SHPRH: variants seen among roughly 807,000 people sequenced by gnomAD.
SHPRH encodes SNF2 histone linker PHD RING helicase.
Under a neutral mutation model 202.5 loss-of-function variants are expected in SHPRH, and 106 were observed. The observed-to-expected ratio is 0.52, with a 90% CI of 0.45 to 0.62. SHPRH has a LOEUF of 0.62. SHPRH is among the 20% of genes least tolerant of loss of function. SHPRH has a pLI of 0.00. For synonymous variants in SHPRH, 729 were observed against 686.0 expected (o/e 1.06, Z -0.98); for missense variants, 1,710 against 2,020.0 (o/e 0.85, Z 2.94).
chr6:145,959,451 G>A (rs528908395), intron 1 of SHPRH, among the ~76,000 whole-genome samples: 1 of 152,306 alleles, frequency 6.6e-6, no homozygotes, highest in African/African-American at 2.4e-5. Context: ...GCAGCAGGCT[G>A]TACCATAGAG....
intron 25 of SHPRH, among the ~76,000 whole-genome samples, chr6:145,895,438 T>C (rs550632354): frequency 6.6e-6 from 1 of 152,126 alleles, no homozygotes; most frequent in South Asian, 2.1e-4. Flanking sequence ...TGGAGAATGT[T>C]TTCTTGCAAG....
chr6:145,860,045 T>C (rs1310889237), downstream of SHPRH, among the ~76,000 whole-genome samples: 3 of 152,062 alleles, frequency 2.0e-5, no homozygotes, highest in East Asian at 5.8e-4. Context: ...TTATAGTTAA[T>C]GAATTAAAAG....
At chr6:145,951,699 T>TA (rs1787995446) in intron 3 of SHPRH, 1 of 438,162 alleles carries the variant, frequency 2.3e-6, no homozygotes, top group Non-Finnish European at 4.6e-6. Context: ...AAGAATGTAC[T>TA]AGAGAAATAA....
Position 145,933,083 on chromosome 6 carries a change from C to T in SHPRH, c.3086G>A (p.Gly1029Asp). 1 of 1,613,698 alleles carries T rather than the reference C, an allele frequency of 6.2e-7. No individual in the cohort carries two copies. Among genetic ancestry groups the T allele is most frequent in the Non-Finnish European group, 8.5e-7 (1 of 1,179,796 alleles). Residue 1029 changes from glycine to aspartate, a missense_variant, in exon 14 of 30, where the codon GGC becomes GAC. Transcript: ENST00000275233. ...AHRQLVCALN[G>D]LAGIHIIKGE... is the part of the protein sequence containing the mutation. ...TTTAATAATATGAATGCCTGCTAAG[C>T]CATTGAGAGCACAAACTAGCTGTCG... is the stretch of plus-strand genomic sequence containing the variant.
At chr6:145,931,675 A>G (rs1435958927) in intron 14 of SHPRH, among the ~76,000 whole-genome samples, 1 of 151,916 alleles carries the variant, frequency 6.6e-6, no homozygotes, top group Non-Finnish European at 1.5e-5. Context: ...CTTTTGGATT[A>G]TTACCTCTAA....
chr6:145,895,070 A>G, intron 25 of SHPRH, 93 bp from the exon 26 acceptor site: 1 of 1,051,916 alleles, frequency 9.5e-7, no homozygotes, highest in Non-Finnish European at 1.4e-6. Flanking sequence ...TATTATCAAA[A>G]CTATAAATGC....
chr6:145,948,391 C>T (rs1325947622), intron 4 of SHPRH, 41 bp from the exon 5 acceptor site: 1 of 1,484,518 alleles, frequency 6.7e-7, no homozygotes, highest in South Asian at 1.2e-5. Flanking sequence ...TTTTGTTTTC[C>T]CTTCAGTCAG....
intron 2 of SHPRH, 64 bp from the exon 3 acceptor site, chr6:145,952,542 TAAGC>T: frequency 1.4e-6 from 2 of 1,468,390 alleles, no homozygotes; most frequent in Non-Finnish European, 1.8e-6. Context: ...TATGAGGACA[TAAGC>T]AAGAAAAAAT....
intron 2 of SHPRH, among the ~76,000 whole-genome samples, chr6:145,867,076 A>T (rs1224798847): frequency 6.6e-6 from 1 of 152,210 alleles, no homozygotes; most frequent in Non-Finnish European, 1.5e-5. Flanking sequence ...AAACTTTTAA[A>T]TGGGAAGTTA....
intron 28 of SHPRH, among the ~76,000 whole-genome samples, chr6:145,891,094 A>C (rs2128713133): frequency 6.6e-6 from 1 of 152,222 alleles, no homozygotes; most frequent in Non-Finnish European, 1.5e-5. Context: ...AGATATGCCA[A>C]GCCTCTGTTC....
chr6:145,863,939 G>T (rs1194493189), downstream of SHPRH, among the ~76,000 whole-genome samples: 1 of 152,160 alleles, frequency 6.6e-6, no homozygotes, highest in East Asian at 1.9e-4. Flanking sequence ...TTGCTAAATA[G>T]ATTTTGTTAA....
chr6:145,958,298 A>G (rs1272016214), intron 1 of SHPRH, among the ~76,000 whole-genome samples: 1 of 152,206 alleles, frequency 6.6e-6, no homozygotes, highest in African/African-American at 2.4e-5. Flanking sequence ...CTTATACATA[A>G]ATTATATCAT....
In SHPRH at chr6:145,932,971, C is replaced by CA. The variant is rs965112800; in HGVS notation, c.3112+85_3112+86insT. On this transcript the variant is annotated intron_variant, in intron 14 of 29. Coordinates refer to ENST00000275233, the MANE Select transcript of SHPRH (RefSeq NM_001042683.3). ...ATCTTTTTGGGGGAAAAATCCCCCCCCCAAAAATCAAAATCTATTTTTTCT... is the reference window on the plus strand; with the variant it reads ...ATCTTTTTGGGGGAAAAATCCCCCCCACCAAAAATCAAAATCTATTTTTTCT... 11 of 1,455,792 alleles carry CA rather than the reference C, an allele frequency of 7.6e-6. No individual in the cohort carries two copies. The African/African-American group carries it at 1.6e-4, about 21-fold the overall frequency. The allele number at this position is 1,455,792 out of a possible 1,614,324, so 90.2% of individuals were successfully genotyped here.
chr6:145,888,590 G>C (rs1360639470), intron 28 of SHPRH, among the ~76,000 whole-genome samples: 1 of 152,114 alleles, frequency 6.6e-6, no homozygotes, highest in South Asian at 2.1e-4. Flanking sequence ...GGTCACACAG[G>C]GCCTTCCAGG....
In SHPRH at chr6:145,927,177, G is replaced by A; in HGVS notation, c.3201+12C>T. On this transcript the variant is annotated intron_variant, in intron 15 of 29. Transcript: ENST00000275233. Reference sequence around the variant, plus strand: ...AACAGAATACCTATGAAACTGTTTAGTCTTTACTTACTTGAAGTGAATCAG... The same window carrying A: ...AACAGAATACCTATGAAACTGTTTAATCTTTACTTACTTGAAGTGAATCAG... The A allele has an allele frequency of 6.2e-7, 1 of 1,608,200 alleles. No homozygotes were observed. Among genetic ancestry groups the A allele is most frequent in the Non-Finnish European group, 8.5e-7 (1 of 1,175,904 alleles).
intron 25 of SHPRH, among the ~76,000 whole-genome samples, chr6:145,899,432 C>T (rs1782299956): frequency 6.6e-6 from 1 of 151,994 alleles, no homozygotes; most frequent in Non-Finnish European, 1.5e-5. Context: ...GAAGATCACA[C>T]AATGGGGAAA....
At chr6:145,935,494 G>A in intron 11 of SHPRH, 53 bp from the exon 12 acceptor site, 1 of 1,567,552 alleles carries the variant, frequency 6.4e-7, no homozygotes, top group Non-Finnish European at 8.7e-7. Context: ...TTCATTACTA[G>A]TTTGCAGAAG....
At chr6:145,961,000 C>G (rs1285031701) in intron 1 of SHPRH, among the ~76,000 whole-genome samples, 2 of 151,754 alleles carry the variant, frequency 1.3e-5, no homozygotes, top group African/African-American at 4.8e-5. Flanking sequence ...CATTCATGCT[C>G]TTATGGTAAT....
In SHPRH at chr6:145,894,178, G is replaced by A; in HGVS notation, c.4667C>T (p.Ala1556Val). The change falls in exon 27 of 30, where the codon GCA becomes GTA. Residue 1556 changes from alanine (A) to valine (V), a missense_variant. Transcript: ENST00000275233. ...KALTDNNMEF[A>V]QISRVKTFQE... ...AAATGTCTTAACACGACTGATTTGT[G>A]CAAATTCCATGTTGTTGTCAGTAAG... is the stretch of plus-strand genomic sequence containing the variant. 6.2e-7 allele frequency: 1 copy of A among 1,606,080 alleles called. No homozygotes were observed. Among genetic ancestry groups the A allele is most frequent in the East Asian group, 2.3e-5 (1 of 44,212 alleles).
Sources: allele counts gnomAD v4.1 joint callset (sites outside exome capture counted in the v4.1 genomes callset), GRCh38; gene constraint gnomAD v4.1.1; transcripts MANE v1.5; gene names NCBI Gene and HGNC (gene_info 2026-07-23, HGNC 2026-07-21).